PSMB7: variants seen among roughly 807,000 people sequenced by gnomAD.
PSMB7 encodes the protein proteasome 20S subunit beta 7, also known as proteasome subunit beta type-7.
PSMB7 carries 5 observed loss-of-function variants against 28.1 expected under a neutral mutation model. That is an observed-to-expected ratio of 0.18 (90% CI 0.09 to 0.37). PSMB7 has a LOEUF of 0.37. PSMB7 is among the 10% of genes least tolerant of loss of function. The probability of loss-of-function intolerance (pLI) is 1.00; values close to 1 mark genes in which losing one functional copy is unlikely to be tolerated. For missense variants in PSMB7, 275 were observed against 346.2 expected, an observed-to-expected ratio of 0.79 and a Z score of 1.63; for synonymous variants, 122 against 123.7, an observed-to-expected ratio of 0.99 and a Z score of 0.09.
At chr9:124,414,392 CA>C (rs1460027799) in intron 2 of PSMB7, among the ~76,000 whole-genome samples, 1 of 152,132 alleles carries the variant, frequency 6.6e-6, no homozygotes, top group Non-Finnish European at 1.5e-5. Flanking sequence ...CACAGGTAAT[CA>C]TTATCCCTTT....
intron 5 of PSMB7, among the ~76,000 whole-genome samples, chr9:124,396,229 T>C (rs530182222): frequency 2.7e-4 from 41 of 152,330 alleles, no homozygotes; most frequent in East Asian, 1.5e-3. Flanking sequence ...AATCAAGTCA[T>C]GTGGAGGTAT....
chr9:124,412,609 T>A, intron 3 of PSMB7, 117 bp from the exon 4 acceptor site: 1 of 1,033,574 alleles, frequency 9.7e-7, no homozygotes, highest in Non-Finnish European at 1.4e-6. Flanking sequence ...TTTTTGAGTA[T>A]ATCTATGCTG....
In PSMB7 at chr9:124,358,626, C is replaced by A. The variant is rs113378710; in HGVS notation, c.571-1711G>T. 3.0e-3 allele frequency among the ~76,000 whole-genome samples: 459 copies of A among 152,332 alleles called. 1 individual carries two copies. Among genetic ancestry groups the A allele is most frequent in the Non-Finnish European group, 5.1e-3 (344 of 68,038 alleles). ...ATCTAGATAGACAGCAAAAACCAAC[C>A]ACTAATTCAGCAAACACAACCTCAT... On this transcript the variant is annotated intron_variant, in intron 6 of 7. Coordinates refer to ENST00000259457, the MANE Select transcript of PSMB7 (RefSeq NM_002799.4).
chr9:124,402,321 AC>A (rs1204856835), intron 5 of PSMB7, among the ~76,000 whole-genome samples: 1 of 152,236 alleles, frequency 6.6e-6, no homozygotes, highest in Non-Finnish European at 1.5e-5. Context: ...AAAGCTGTTT[AC>A]CTACTCACTT....
chr9:124,363,684 C>T (rs1038162256), intron 6 of PSMB7, among the ~76,000 whole-genome samples: 1 of 152,160 alleles, frequency 6.6e-6, no homozygotes, highest in Non-Finnish European at 1.5e-5. Flanking sequence ...CTGGTGTTGC[C>T]ATTTCTTTCC....
intron 3 of PSMB7, among the ~76,000 whole-genome samples, chr9:124,412,990 CGGA>C (rs918110000): frequency 6.6e-6 from 1 of 150,858 alleles, no homozygotes; most frequent in African/African-American, 2.4e-5. Flanking sequence ...TACGGGAAAC[CGGA>C]GGAGAAGGTA....
At chr9:124,393,788 T>G (rs1309988550) in intron 5 of PSMB7, among the ~76,000 whole-genome samples, 1 of 152,240 alleles carries the variant, frequency 6.6e-6, no homozygotes, top group Non-Finnish European at 1.5e-5. Context: ...GTGAGAGGTT[T>G]TATTTCATTA....
chr9:124,381,144 A>G (rs1830660756), intron 6 of PSMB7, among the ~76,000 whole-genome samples: 1 of 152,230 alleles, frequency 6.6e-6, no homozygotes, highest in Admixed American at 6.5e-5. Context: ...ACGTAAGGTT[A>G]GCGCTGGACA....
At chr9:124,389,913 C>T (rs1255844228) in intron 5 of PSMB7, among the ~76,000 whole-genome samples, 1 of 152,064 alleles carries the variant, frequency 6.6e-6, no homozygotes, top group Non-Finnish European at 1.5e-5. Context: ...AATAGCAGGC[C>T]CACTAGCTTA....
intron 6 of PSMB7, among the ~76,000 whole-genome samples, chr9:124,362,233 T>C (rs1158569342): frequency 6.6e-6 from 1 of 152,250 alleles, no homozygotes; most frequent in African/African-American, 2.4e-5. Flanking sequence ...AATTGGTTAT[T>C]TGCCGGCAAA....
chr9:124,409,066 C>T (rs1830997743), intron 4 of PSMB7, among the ~76,000 whole-genome samples: 1 of 152,176 alleles, frequency 6.6e-6, no homozygotes, highest in South Asian at 2.1e-4. Context: ...TTAGCACTAA[C>T]TGCTCGTGGG....
intron 6 of PSMB7, among the ~76,000 whole-genome samples, chr9:124,366,095 T>A (rs113551892): frequency 4.9e-5 from 6 of 123,200 alleles, no homozygotes; most frequent in African/African-American, 2.1e-4. Flanking sequence ...GGTAAAAAAA[T>A]TAAAAAAAAA....
intron 5 of PSMB7, among the ~76,000 whole-genome samples, chr9:124,394,666 A>G (rs1830823717): frequency 1.3e-5 from 2 of 152,294 alleles, no homozygotes; most frequent in Non-Finnish European, 2.9e-5. Context: ...TTTACACAGA[A>G]TCAAGAACAA....
chr9:124,413,153 C>CAAAAA (rs61132576), intron 3 of PSMB7, among the ~76,000 whole-genome samples: 6 of 47,222 alleles, frequency 1.3e-4, no homozygotes, highest in African/African-American at 2.8e-4. Context: ...GCATCTCTCC[C>CAAAAA]AAAAAAAAAA....
At chr9:124,401,943 C>T (rs1830912705) in intron 5 of PSMB7, among the ~76,000 whole-genome samples, 1 of 150,990 alleles carries the variant, frequency 6.6e-6, no homozygotes, top group Admixed American at 6.6e-5. Context: ...CACTTGAACC[C>T]GGGAAGCAGG....
At chr9:124,408,557 T>C (rs565108151) in intron 4 of PSMB7, among the ~76,000 whole-genome samples, 157 of 152,292 alleles carry the variant, frequency 1.0e-3, no homozygotes, top group African/African-American at 3.7e-3. Flanking sequence ...CTCTTAAAAA[T>C]TGATTAAAAT....
At chr9:124,381,517 T>C (rs1269970480) in intron 6 of PSMB7, among the ~76,000 whole-genome samples, 4 of 152,222 alleles carry the variant, frequency 2.6e-5, no homozygotes, top group African/African-American at 9.6e-5. Context: ...GACACATCTT[T>C]CCACACTGAA....
At position 124,402,717 on chromosome 9, in the gene PSMB7, T is replaced by G. The variant is rs55954939; in HGVS notation, c.511+2600A>C. ...AAATTTAAGTAAAAAAAAGAAAAAA[T>G]AAAAACTACTTAATAGAAAAGGTTA... On this transcript the variant is annotated intron_variant, in intron 5 of 7. Coordinates refer to ENST00000259457, the MANE Select transcript of PSMB7 (RefSeq NM_002799.4). Among the ~76,000 whole-genome samples, 95 of 152,044 alleles carry G rather than the reference T, an allele frequency of 6.2e-4. 1 individual carries two copies. The highest frequency in any genetic ancestry group is 2.0e-3 in the African/African-American group (83 of 41,454).
At chr9:124,392,156 T>G (rs1830793939) in intron 5 of PSMB7, among the ~76,000 whole-genome samples, 4 of 152,254 alleles carry the variant, frequency 2.6e-5, no homozygotes. Context: ...AGTTTGCCCA[T>G]GGCAAGAGTC....
Sources: allele counts gnomAD v4.1 joint callset (sites outside exome capture counted in the v4.1 genomes callset), GRCh38; gene constraint gnomAD v4.1.1; transcripts MANE v1.5; gene names NCBI Gene and HGNC (gene_info 2026-07-23, HGNC 2026-07-21).